Variants in SPATA16 observed in about 807,000 individuals in gnomAD.
SPATA16 encodes the protein spermatogenesis-associated protein 16.
Under a neutral mutation model 63.3 loss-of-function variants are expected in SPATA16, and 36 were observed. The observed-to-expected ratio is 0.57, with a 90% CI of 0.44 to 0.75. The LOEUF is 0.75. Ranked by LOEUF, SPATA16 falls within the 30% of genes least tolerant of loss-of-function variation. SPATA16 has a pLI of 0.00. For synonymous variants in SPATA16, 203 were observed against 216.7 expected, an observed-to-expected ratio of 0.94 and a Z score of 0.56; for missense variants, 646 against 679.3, an observed-to-expected ratio of 0.95 and a Z score of 0.54.
At chr3:172,921,560 G>GA (rs10682331) in intron 8 of SPATA16, among the ~76,000 whole-genome samples, 116,501 of 149,242 alleles carry the variant, frequency 0.78, 45,762 homozygotes, top group African/African-American at 0.88. Flanking sequence ...GTAAGCTAAG[G>GA]AAAAAAAAAA....
chr3:173,109,129 CT>C (rs1350941127), intron 2 of SPATA16, among the ~76,000 whole-genome samples: 1 of 152,182 alleles, frequency 6.6e-6, no homozygotes, highest in Non-Finnish European at 1.5e-5. Flanking sequence ...CTCTTCCATA[CT>C]CTACTACCAT....
At chr3:173,118,361 T>C (rs544430236) in intron 1 of SPATA16, among the ~76,000 whole-genome samples, 72 of 152,328 alleles carry the variant, frequency 4.7e-4, no homozygotes, top group Non-Finnish European at 9.3e-4. Context: ...TACAGAAATG[T>C]GAGCCATAGA....
intron 4 of SPATA16, among the ~76,000 whole-genome samples, chr3:173,018,698 T>G (rs1473880462): frequency 6.6e-6 from 1 of 152,194 alleles, no homozygotes; most frequent in African/African-American, 2.4e-5. Context: ...TGCAGATTTA[T>G]CCTTAGAAGT....
At chr3:172,987,320 G>A (rs1734479921) in intron 4 of SPATA16, among the ~76,000 whole-genome samples, 1 of 152,142 alleles carries the variant, frequency 6.6e-6, no homozygotes, top group Non-Finnish European at 1.5e-5. Context: ...AAACCTTAGA[G>A]AAGCTTCCTT....
In SPATA16 at chr3:172,912,427, A is replaced by G. The variant is rs147451852; in HGVS notation, c.1587+1234T>C. Among the ~76,000 whole-genome samples, 228 of 152,266 alleles carry G rather than the reference A, an allele frequency of 1.5e-3. 1 individual carries two copies. The highest frequency in any genetic ancestry group is 5.2e-3 in the African/African-American group (218 of 41,556). On this transcript the variant is annotated intron_variant, in intron 10 of 10. Transcript: ENST00000351008. ...GGCATGGTAGATATGTATTCAACAC[A>G]TATTTGCTGACAGTCAGTTTCTGGG... is the stretch of plus-strand genomic sequence containing the variant.
intron 2 of SPATA16, among the ~76,000 whole-genome samples, chr3:173,097,402 G>A (rs1329817199): frequency 6.6e-6 from 1 of 152,176 alleles, no homozygotes; most frequent in Non-Finnish European, 1.5e-5. Context: ...GTCATATACT[G>A]AGGTTGCTGA....
chr3:173,083,119 A>G (rs1333007335), intron 2 of SPATA16, among the ~76,000 whole-genome samples: 2 of 152,118 alleles, frequency 1.3e-5, no homozygotes, highest in African/African-American at 4.8e-5. Context: ...AAAGTTTTAT[A>G]GGCTTTTTTT....
At chr3:173,099,917 C>T (rs923932532) in intron 2 of SPATA16, among the ~76,000 whole-genome samples, 50 of 152,190 alleles carry the variant, frequency 3.3e-4, no homozygotes, top group African/African-American at 1.2e-3. Flanking sequence ...TTCTCCTTCA[C>T]AGCCTAAATT....
chr3:173,097,678 C>T (rs772063589), intron 2 of SPATA16, among the ~76,000 whole-genome samples: 1 of 152,176 alleles, frequency 6.6e-6, no homozygotes, highest in Non-Finnish European at 1.5e-5. Flanking sequence ...AAGCCATTTA[C>T]TGCACGTAAG....
intron 2 of SPATA16, among the ~76,000 whole-genome samples, chr3:173,061,694 A>C (rs1395294566): frequency 5.3e-5 from 8 of 152,182 alleles, no homozygotes; most frequent in African/African-American, 7.2e-5. Flanking sequence ...GTAGAATAAC[A>C]CCCATTGGTT....
intron 3 of SPATA16, among the ~76,000 whole-genome samples, chr3:173,025,440 C>A (rs759757091): frequency 6.6e-6 from 1 of 151,688 alleles, no homozygotes; most frequent in South Asian, 2.1e-4. Context: ...TTTTTTCTAA[C>A]ATGTTTTTAT....
chr3:173,085,543 C>T (rs1737029846), intron 2 of SPATA16, among the ~76,000 whole-genome samples: 1 of 151,954 alleles, frequency 6.6e-6, no homozygotes, highest in Non-Finnish European at 1.5e-5. Flanking sequence ...CCAGAACTTC[C>T]AATACCTTGT....
intron 4 of SPATA16, among the ~76,000 whole-genome samples, chr3:172,992,328 G>A (rs1229434231): frequency 6.6e-6 from 1 of 151,982 alleles, no homozygotes; most frequent in East Asian, 1.9e-4. Flanking sequence ...ATAACAGCTG[G>A]GAAGTATTTT....
chr3:173,085,018 A>G (rs966627135), intron 2 of SPATA16, among the ~76,000 whole-genome samples: 138 of 152,160 alleles, frequency 9.1e-4, no homozygotes, highest in Non-Finnish European at 1.0e-4. Context: ...TTGGCTCCAT[A>G]TGAATTTTAA....
At chr3:173,113,967 G>T (rs1737818759) in intron 2 of SPATA16, among the ~76,000 whole-genome samples, 1 of 152,118 alleles carries the variant, frequency 6.6e-6, no homozygotes, top group South Asian at 2.1e-4. Flanking sequence ...ATCACCTGAT[G>T]TCAGGAGTTC....
At chr3:173,049,561 T>C (rs1560106860) in intron 2 of SPATA16, among the ~76,000 whole-genome samples, 4 of 152,148 alleles carry the variant, frequency 2.6e-5, no homozygotes, top group African/African-American at 7.2e-5. Flanking sequence ...TTTAATATAA[T>C]AAGAGGTATC....
At chr3:172,939,553 G>A (rs1439942652) in intron 6 of SPATA16, among the ~76,000 whole-genome samples, 1 of 152,198 alleles carries the variant, frequency 6.6e-6, no homozygotes, top group African/African-American at 2.4e-5. Context: ...GGAATTTTTT[G>A]ACACGGAAGC....
intron 2 of SPATA16, among the ~76,000 whole-genome samples, chr3:173,082,661 T>C (rs1441807402): frequency 1.3e-5 from 2 of 152,060 alleles, no homozygotes; most frequent in African/African-American, 2.4e-5. Context: ...CTAATGGGGG[T>C]TGTGGGCTCC....
chr3:173,073,680 T>C (rs1447954869), intron 2 of SPATA16, among the ~76,000 whole-genome samples: 1 of 152,218 alleles, frequency 6.6e-6, no homozygotes, highest in African/African-American at 2.4e-5. Flanking sequence ...AGGACCCTCA[T>C]GGAGAACCTC....
Sources: allele counts gnomAD v4.1 joint callset (sites outside exome capture counted in the v4.1 genomes callset), GRCh38; gene constraint gnomAD v4.1.1; transcripts MANE v1.5; gene names NCBI Gene and HGNC (gene_info 2026-07-23, HGNC 2026-07-21).